Variants in ZNF138 observed in about 807,000 individuals in gnomAD.
ZNF138 encodes zinc finger protein 138.
A neutral mutation model predicts 33.0 loss-of-function variants in ZNF138; 33 were observed. The observed-to-expected ratio is 1.00, with a 90% CI of 0.76 to 1.34. The LOEUF (loss-of-function observed/expected upper bound fraction) is 1.34, where lower values mean the gene tolerates loss of function less well. Ranked by LOEUF, ZNF138 falls within the 40% of genes most tolerant of loss-of-function variation. The pLI, the probability that ZNF138 is intolerant of heterozygous loss-of-function variation, is 0.00. For missense variants in ZNF138, 360 were observed against 370.8 expected (o/e 0.97, Z 0.24); for synonymous variants, 139 against 120.4 (o/e 1.15, Z -1.01).
At chr7:64,808,186 G>A (rs1324362072) in intron 1 of ZNF138, among the ~76,000 whole-genome samples, 1 of 152,158 alleles carries the variant, frequency 6.6e-6, no homozygotes, top group South Asian at 2.1e-4. Flanking sequence ...TTCTGCGTCT[G>A]TCTCAGTGTA....
At position 64,831,766 on chromosome 7, in the gene ZNF138, C is replaced by T. The variant is rs748523103; in HGVS notation, c.524C>T (p.Ser175Leu). 17 of 1,613,580 alleles carry T rather than the reference C, an allele frequency of 1.1e-5. No homozygotes were observed. In the South Asian group the frequency reaches 1.8e-4, roughly 17 times the overall value. The change falls in exon 4 of 4, where the codon TCA becomes TTA. Residue 175 changes from serine to leucine, a missense_variant. Coordinates refer to ENST00000307355, the MANE Select transcript of ZNF138 (RefSeq NM_001271639.2). ...KHFRCKECDK[S>L]LCMLSRLTQH... ...TTCAGATGTAAAGAATGTGACAAAT[C>T]ACTTTGCATGCTTTCACGCCTAACT...
Position 64,831,588 on chromosome 7 carries a change from G to C in ZNF138, c.346G>C (p.Glu116Gln). The change falls in exon 4 of 4, where the codon GAG becomes CAG. Residue 116 changes from glutamate to glutamine, a missense_variant. Physicochemically the swap from Glu to Gln is conservative, Grantham distance 29. Coordinates refer to ENST00000307355, the MANE Select transcript of ZNF138 (RefSeq NM_001271639.2). Reference protein sequence around the residue: ...QLRKGCKSVDECKGHQGGFNG... With the variant: ...QLRKGCKSVDQCKGHQGGFNG... ...AAGAAAAGGCTGTAAAAGTGTGGAT[G>C]AGTGTAAGGGACACCAAGGAGGTTT... The C allele has an allele frequency of 1.9e-6, 3 of 1,612,874 alleles. No individual in the cohort carries two copies. Among genetic ancestry groups the C allele is most frequent in the African/African-American group, 1.3e-5 (1 of 75,000 alleles).
Position 64,815,673 on chromosome 7 carries a change from C to T in ZNF138, c.208+20C>T, listed in dbSNP as rs745411391. On this transcript the variant is annotated intron_variant, in intron 3 of 3. Transcript: ENST00000307355. ...ATTCAGGTAGGTGAGAGTGAATACA[C>T]AGATGGCACAGATGAGAGGTCAAAG... The T allele has an allele frequency of 1.9e-6, 3 of 1,599,008 alleles. No homozygotes were observed. Among genetic ancestry groups the T allele is most frequent in the Non-Finnish European group, 2.6e-6 (3 of 1,171,054 alleles).
At chr7:64,812,925 C>G (rs1197054665) in intron 1 of ZNF138, among the ~76,000 whole-genome samples, 1 of 149,606 alleles carries the variant, frequency 6.7e-6, no homozygotes, top group Non-Finnish European at 1.5e-5. Flanking sequence ...GAATGCCATG[C>G]GTTTAGTACC....
downstream of ZNF138, chr7:64,836,075 G>C (rs777982110): frequency 4.6e-5 from 7 of 152,184 alleles, no homozygotes; most frequent in Non-Finnish European, 1.0e-4. Context: ...GGTGGTGCCA[G>C]GGCGCTGGTA....
intron 1 of ZNF138, among the ~76,000 whole-genome samples, chr7:64,797,838 T>G (rs1342566484): frequency 1.3e-5 from 2 of 152,152 alleles, no homozygotes; most frequent in Non-Finnish European, 2.9e-5. Flanking sequence ...ATTGCAAAGT[T>G]TAGGCAGATA....
the ZNF138 span, among the ~76,000 whole-genome samples, chr7:64,842,296 TC>T: frequency 7.8e-6 from 1 of 128,958 alleles, no homozygotes; most frequent in Non-Finnish European, 1.8e-5. Flanking sequence ...ACTCCTGACC[TC>T]GTGATCTGCC....
chr7:64,827,724 T>C (rs746937784), intron 3 of ZNF138, among the ~76,000 whole-genome samples: 1 of 152,134 alleles, frequency 6.6e-6, no homozygotes, highest in Non-Finnish European at 1.5e-5. Context: ...TTTTTCAATA[T>C]TCTTCTAAGA....
the ZNF138 span, among the ~76,000 whole-genome samples, chr7:64,846,195 T>C: frequency 1.3e-5 from 2 of 152,228 alleles, no homozygotes; most frequent in African/African-American, 4.8e-5. Context: ...TTAAGTAATA[T>C]GATGCCTTCA....
rs150799949 is a variant in ZNF138, at chr7:64,832,121, C to G, written c.879C>G (p.Thr293=). 1 of 1,612,782 alleles carries G rather than the reference C, an allele frequency of 6.2e-7. No homozygotes were observed. The highest frequency in any genetic ancestry group is 1.1e-5 in the South Asian group (1 of 91,010). The change falls in exon 4 of 4, where the codon ACC becomes ACG. Residue 293 remains threonine (T), a synonymous_variant. Transcript: ENST00000307355. ...QCGKVFKQSP[T]LTKHQIIYTG... is the part of the protein sequence containing the mutation. ...GCAAGGTCTTTAAGCAGTCCCCAACCCTTACTAAACATCAGATAATTTATA... is the reference window on the plus strand; with the variant it reads ...GCAAGGTCTTTAAGCAGTCCCCAACGCTTACTAAACATCAGATAATTTATA...
intron 1 of ZNF138, among the ~76,000 whole-genome samples, chr7:64,801,012 G>A (rs1441997408): frequency 6.6e-6 from 1 of 152,014 alleles, no homozygotes; most frequent in Non-Finnish European, 1.5e-5. Flanking sequence ...GTATTTTTCT[G>A]GGGTCAGTGG....
At chr7:64,860,132 T>C in the ZNF138 span, among the ~76,000 whole-genome samples, 1 of 152,208 alleles carries the variant, frequency 6.6e-6, no homozygotes, top group Non-Finnish European at 1.5e-5. Flanking sequence ...CAAGACTCTG[T>C]CTCAATATAA....
intron 3 of ZNF138, among the ~76,000 whole-genome samples, chr7:64,820,045 C>T (rs1788987559): frequency 5.2e-5 from 1 of 19,120 alleles, no homozygotes; most frequent in Admixed American, 4.5e-4. Context: ...TGCACTCCAG[C>T]TCAGGTGACA....
intron 3 of ZNF138, among the ~76,000 whole-genome samples, chr7:64,821,343 C>A (rs1463608720): frequency 1.3e-5 from 2 of 151,324 alleles, no homozygotes; most frequent in Non-Finnish European, 2.9e-5. Context: ...CCCACCTCAG[C>A]CTCCCAAAGT....
chr7:64,828,816 T>A (rs1396301422), intron 3 of ZNF138, among the ~76,000 whole-genome samples: 1 of 152,114 alleles, frequency 6.6e-6, no homozygotes, highest in African/African-American at 2.4e-5. Context: ...AGTACTTTAT[T>A]GTCTCTCGAC....
intron 1 of ZNF138, among the ~76,000 whole-genome samples, chr7:64,806,078 CTT>C (rs1351744824): frequency 1.3e-5 from 2 of 152,180 alleles, no homozygotes; most frequent in South Asian, 2.1e-4. Context: ...CTGGAGAACT[CTT>C]TTCTTTTAAT....
chr7:64,858,364 G>T, the ZNF138 span, among the ~76,000 whole-genome samples: 177 of 152,296 alleles, frequency 1.2e-3, 1 homozygote, highest in African/African-American at 4.0e-3. Context: ...AGAGGAGGAT[G>T]CAGATAGAAG....
chr7:64,834,147 G>A (rs1260356172), downstream of ZNF138, among the ~76,000 whole-genome samples: 5 of 18,980 alleles, frequency 2.6e-4, no homozygotes, highest in East Asian at 1.8e-3. Context: ...TTTTGTATCC[G>A]AAGCAGTTGC....
intron 3 of ZNF138, among the ~76,000 whole-genome samples, chr7:64,819,408 C>G (rs1430021808): frequency 6.7e-6 from 1 of 149,510 alleles, no homozygotes. Flanking sequence ...TGCTCTTTTG[C>G]CCGGGTTGGA....
Sources: gnomAD v4.1 joint callset for allele counts (sites outside exome capture counted in the v4.1 genomes callset) on GRCh38, gnomAD v4.1.1 for gene constraint, MANE v1.5 for transcripts, NCBI Gene and HGNC (gene_info 2026-07-23, HGNC 2026-07-21) for gene names.